Variants in RPS24 observed in about 807,000 individuals in gnomAD.
The protein encoded by RPS24 is ribosomal protein S24, also known as small ribosomal subunit protein eS24.
For synonymous variants in RPS24, 72 were observed against 55.6 expected, an observed-to-expected ratio of 1.30 and a Z score of -1.31; for missense variants, 100 against 162.5, an observed-to-expected ratio of 0.62 and a Z score of 2.09.
chr10:78,042,588 T>C (rs2131987236), downstream of RPS24, among the ~76,000 whole-genome samples: 1 of 152,332 alleles, frequency 6.6e-6, no homozygotes, highest in South Asian at 2.1e-4. Context: ...CAGCAGGCTT[T>C]GGAAGAGCCT....
At chr10:78,044,528 C>G (rs1372326303), downstream of RPS24, among the ~76,000 whole-genome samples, 3 of 152,094 alleles carry the variant, frequency 2.0e-5, no homozygotes, top group Non-Finnish European at 2.9e-5. Flanking sequence ...AAGTATGACA[C>G]CTGACTCATT....
chr10:78,051,346 T>C (rs1400262465), intron 4 of RPS24, among the ~76,000 whole-genome samples: 1 of 152,256 alleles, frequency 6.6e-6, no homozygotes, highest in Non-Finnish European at 1.5e-5. Context: ...ATATAGTGTA[T>C]ATAGGTTTTT....
chr10:78,050,978 G>A (rs764522876), intron 4 of RPS24, among the ~76,000 whole-genome samples: 1 of 151,884 alleles, frequency 6.6e-6, no homozygotes, highest in African/African-American at 2.4e-5. Flanking sequence ...ATCACCTGAG[G>A]TCAGGCGTTC....
rs1268718185 is a variant in RPS24 at position 78,048,486 on chromosome 10, A to G, written c.391-6045A>G. On this transcript the variant is annotated intron_variant, in intron 4 of 4. Transcript: ENST00000440692. Reference sequence around the variant, plus strand: ...TCCAGAACTGCCTTTTCAGAGCGCTATAGATGTGCTCATCCCTGGGTTATA... The same window carrying G: ...TCCAGAACTGCCTTTTCAGAGCGCTGTAGATGTGCTCATCCCTGGGTTATA... 2.6e-5 allele frequency among the ~76,000 whole-genome samples: 4 copies of G among 152,122 alleles called. No individual in the cohort carries two copies. In the South Asian group the frequency reaches 6.2e-4, roughly 24 times the overall value.
intron 4 of RPS24, among the ~76,000 whole-genome samples, chr10:78,052,918 G>A (rs967526891): frequency 1.5e-4 from 23 of 152,108 alleles, no homozygotes; most frequent in Non-Finnish European, 7.4e-5. Context: ...TTGGGAGGCC[G>A]AAGTGGGTGG....
intron 2 of RPS24, 33 bp from the exon 3 acceptor site, chr10:78,035,478 A>C (rs374840801): frequency 6.2e-7 from 1 of 1,613,026 alleles, no homozygotes; most frequent in African/African-American, 1.3e-5. Context: ...GTATTTTATC[A>C]TACTGAATGC....
intron 4 of RPS24, 90 bp from the exon 5 acceptor site, chr10:78,040,114 T>C (rs1369876856): frequency 4.8e-6 from 6 of 1,252,664 alleles, no homozygotes; most frequent in African/African-American, 1.5e-5. Context: ...TGCACTTAAA[T>C]GCAGATTATT....
intron 3 of RPS24, chr10:78,036,638 G>T: frequency 6.4e-6 from 1 of 157,190 alleles, no homozygotes; most frequent in Non-Finnish European, 1.4e-5. Flanking sequence ...GTTCGGTCAT[G>T]TTAAAGGCCT....
rs374114312 is a variant in RPS24 at position 78,040,643 on chromosome 10, T to G, written c.*48T>G. On this transcript the variant is annotated 3_prime_UTR_variant, in exon 6 of 6. Transcript: ENST00000372360. Reference sequence around the variant, plus strand: ...AAGGAGTAAAGGTGCTGCAATGATGTTAGCTGTGGCCACTGTGGATTTTTC... The same window carrying G: ...AAGGAGTAAAGGTGCTGCAATGATGGTAGCTGTGGCCACTGTGGATTTTTC... 2.6e-5 allele frequency: 42 copies of G among 1,613,994 alleles called. No individual in the cohort carries two copies. The highest frequency in any genetic ancestry group is 1.6e-4 in the Middle Eastern group (1 of 6,082).
intron 4 of RPS24, among the ~76,000 whole-genome samples, chr10:78,047,967 T>G (rs1848062731): frequency 6.6e-6 from 1 of 152,212 alleles, no homozygotes; most frequent in South Asian, 2.1e-4. Flanking sequence ...CAAGACCCCT[T>G]TCTCCTCTGG....
chr10:78,034,277 A>G, intron 1 of RPS24: 2 of 372,558 alleles, frequency 5.4e-6, no homozygotes, highest in South Asian at 7.0e-5. Context: ...TGGCAGTACA[A>G]GAGGTGAAGA....
chr10:78,044,299 C>G (rs1192786427), downstream of RPS24, among the ~76,000 whole-genome samples: 2 of 152,074 alleles, frequency 1.3e-5, no homozygotes, highest in Non-Finnish European at 2.9e-5. Context: ...GAGATGGGAG[C>G]AGGCAGTGTG....
rs1164816359 is a variant in RPS24, at chr10:78,040,496, A to G, written c.*20-119A>G. On this transcript the variant is annotated intron_variant, in intron 5 of 5. Coordinates refer to ENST00000372360, the MANE Select transcript of RPS24 (RefSeq NM_033022.4). The stretch of plus-strand genomic sequence containing the variant: ...CATTGTGTTATGATAACATCAAAAT[A>G]ACTTGATATTCTAGGTTACTAATAA... 9.8e-6 allele frequency: 8 copies of G among 820,134 alleles called. 1 individual carries two copies. The highest frequency in any genetic ancestry group is 1.7e-5 in the Non-Finnish European group (8 of 468,750). The allele number at this position is 820,134 out of a possible 1,614,324, so 50.8% of individuals were successfully genotyped here.
chr10:78,054,124 T>C (rs1051004981), intron 4 of RPS24, among the ~76,000 whole-genome samples: 77 of 152,030 alleles, frequency 5.1e-4, no homozygotes, highest in African/African-American at 1.5e-3. Context: ...CCTGGAGTGC[T>C]GTTGGGCGAA....
At chr10:78,052,003 A>C (rs1294298646) in intron 4 of RPS24, among the ~76,000 whole-genome samples, 21 of 150,820 alleles carry the variant, frequency 1.4e-4, no homozygotes, top group Non-Finnish European at 1.5e-5. Context: ...TATTCTGTGG[A>C]TTGTCCATTT....
At chr10:78,036,025 C>A (rs1847858934) in intron 3 of RPS24, 1 of 397,324 alleles carries the variant, frequency 2.5e-6, no homozygotes, top group Non-Finnish European at 4.8e-6. Context: ...GCACCAAATT[C>A]ACTTAGTTTG....
At chr10:78,045,301 C>T (rs114270509), downstream of RPS24, among the ~76,000 whole-genome samples, 1,507 of 152,202 alleles carry the variant, frequency 9.9e-3, 30 homozygotes, top group African/African-American at 0.034. Flanking sequence ...GTATTAATAA[C>T]TCGGAAAAAG....
intron 3 of RPS24, 133 bp from the exon 4 acceptor site, chr10:78,037,061 T>C: frequency 9.5e-7 from 1 of 1,057,710 alleles, no homozygotes; most frequent in South Asian, 1.5e-5. Flanking sequence ...AAACATGCAT[T>C]AAATGTACTT....
downstream of RPS24, among the ~76,000 whole-genome samples, chr10:78,042,613 C>G (rs1442296012): frequency 1.3e-5 from 2 of 152,214 alleles, no homozygotes; most frequent in Admixed American, 1.3e-4. Context: ...AAAATGCAAA[C>G]TTGACTTTAC....
Sources: gnomAD v4.1 joint callset for allele counts (sites outside exome capture counted in the v4.1 genomes callset) on GRCh38, gnomAD v4.1.1 for gene constraint, MANE v1.5 for transcripts, NCBI Gene and HGNC (gene_info 2026-07-23, HGNC 2026-07-21) for gene names.